DRAM2: variants seen among roughly 807,000 people sequenced by gnomAD.
DRAM2 encodes DNA damage-regulated autophagy modulator protein 2.
Under a neutral mutation model 33.5 loss-of-function variants are expected in DRAM2, and 26 were observed. That is an observed-to-expected ratio of 0.78 (90% CI 0.57 to 1.08). The LOEUF (loss-of-function observed/expected upper bound fraction) is 1.08. DRAM2 is among the 50% of genes least tolerant of loss of function. The pLI is 0.00. For synonymous variants in DRAM2, 98 were observed against 109.5 expected, an observed-to-expected ratio of 0.89 and a Z score of 0.66; for missense variants, 311 against 318.1, an observed-to-expected ratio of 0.98 and a Z score of 0.17.
At chr1:111,129,585 C>A (rs905107317) in intron 4 of DRAM2, among the ~76,000 whole-genome samples, 2 of 152,104 alleles carry the variant, frequency 1.3e-5, no homozygotes, top group African/African-American at 4.8e-5. Context: ...TGCAACAATT[C>A]TAAAGATACA....
intron 3 of DRAM2, among the ~76,000 whole-genome samples, chr1:111,133,702 C>A (rs539066290): frequency 6.6e-6 from 1 of 152,196 alleles, no homozygotes; most frequent in African/African-American, 2.4e-5. Flanking sequence ...GGTGGAGATA[C>A]GATTCAAACT....
chr1:111,118,031 A>G lies in DRAM2; in HGVS notation c.*129T>C, dbSNP rs1649254856. The G allele has an allele frequency of 1.3e-6, 1 of 762,582 alleles. No individual in the cohort carries two copies. The highest frequency in any genetic ancestry group is 2.2e-6 in the Non-Finnish European group (1 of 448,484). 47.2% of individuals were successfully genotyped at this position (762,582 alleles called of 1,614,324 possible). A position where few individuals can be genotyped will look rare whatever the true frequency, so the allele number is the denominator to read the frequency against. ...GCTTCTTTCATGTTTCCTGATTATC[A>G]GCATTCATCAGTGTTACTGTCAGCC... On this transcript the variant is annotated 3_prime_UTR_variant, in exon 10 of 10. Transcript: ENST00000484310.
intron 9 of DRAM2, chr1:111,118,529 A>G (rs576705324): frequency 4.0e-6 from 2 of 495,938 alleles, no homozygotes; most frequent in Admixed American, 7.6e-5. Context: ...GACCTATGTA[A>G]AAGTACACAG....
rs761152040 is a variant in DRAM2 at position 111,126,263 on chromosome 1, A to C, written c.163T>G (p.Leu55Val). 1.7e-5 allele frequency: 28 copies of C among 1,611,262 alleles called. No homozygotes were observed. Among genetic ancestry groups the C allele is most frequent in the Non-Finnish European group, 2.3e-5 (27 of 1,178,574 alleles). Reference sequence around the variant, plus strand: ...GCAATATTTAGCATTGCCCCAAATAAGCATTTTTCTGGAGCTACTGTACCA... The same window carrying C: ...GCAATATTTAGCATTGCCCCAAATACGCATTTTTCTGGAGCTACTGTACCA... ...DTGTVAPEKC[L>V]FGAMLNIAAV... The change falls in exon 5 of 10, where the codon TTA (leucine) becomes GTA (valine). Residue 55 changes from leucine (L) to valine (V), a missense_variant. By Grantham distance (32) the Leu-to-Val change is conservative (BLOSUM62 1). Transcript: ENST00000484310.
chr1:111,137,801 T>C (rs1406413283), intron 2 of DRAM2, among the ~76,000 whole-genome samples: 1 of 152,236 alleles, frequency 6.6e-6, no homozygotes, highest in Non-Finnish European at 1.5e-5. Flanking sequence ...TTCCAGGATA[T>C]AAATTTTCAT....
intron 5 of DRAM2, chr1:111,125,614 T>A (rs1336999240): frequency 1.3e-5 from 2 of 152,302 alleles, no homozygotes; most frequent in African/African-American, 4.8e-5. Context: ...AATGAACTTC[T>A]TTAAGTTGAA....
Position 111,124,884 on chromosome 1 carries a change from G to A in DRAM2, c.200-3C>T. The stretch of plus-strand genomic sequence containing the variant: ...ACGAACATAAATGGTAGCAATGCCT[G>A]GGAAAAGATAATCCAAAAAACAACA... On this transcript the variant is annotated splice_region_variant and splice_polypyrimidine_tract_variant and intron_variant, in intron 5 of 9. Transcript: ENST00000484310. 6 of 1,608,692 alleles carry A rather than the reference G, an allele frequency of 3.7e-6. No individual in the cohort carries two copies. Among genetic ancestry groups the A allele is most frequent in the Non-Finnish European group, 5.1e-6 (6 of 1,178,190 alleles).
At chr1:111,136,810 T>A (rs1317762213) in intron 3 of DRAM2, among the ~76,000 whole-genome samples, 1 of 152,118 alleles carries the variant, frequency 6.6e-6, no homozygotes, top group Non-Finnish European at 1.5e-5. Context: ...CCGTTTCTAC[T>A]AGAAATACAA....
At chr1:111,119,550 A>C (rs1351710048) in intron 8 of DRAM2, 1 of 216,508 alleles carries the variant, frequency 4.6e-6, no homozygotes, top group Non-Finnish European at 9.2e-6. Flanking sequence ...ATGTCTTTTC[A>C]ATTCAGAAAA....
chr1:111,118,216 T>G lies in DRAM2; in HGVS notation c.745A>C (p.Thr249Pro). The part of the protein sequence containing the change: ...ANLHGLTLYD[T>P]APCPINNERT... ...TCATTGTTAATAGGGCAAGGTGCAG[T>G]GTCATAGAGGGTTAATCCATGTAAA... is the stretch of plus-strand genomic sequence containing the variant. The change falls in exon 10 of 10, where the codon ACT (threonine) becomes CCT (proline). Residue 249 changes from threonine to proline, a missense_variant. Coordinates refer to ENST00000484310, the MANE Select transcript of DRAM2 (RefSeq NM_001349884.2). The G allele has an allele frequency of 1.9e-6, 3 of 1,613,170 alleles. No individual in the cohort carries two copies. Among genetic ancestry groups the G allele is most frequent in the South Asian group, 2.2e-5 (2 of 91,036 alleles).
At chr1:111,119,603 T>C (rs1649569596) in intron 8 of DRAM2, 2 of 395,556 alleles carry the variant, frequency 5.1e-6, no homozygotes, top group East Asian at 4.6e-5. Flanking sequence ...CTATATTATA[T>C]ACTATACCCA....
rs1467484118 is a variant in DRAM2 at position 111,134,485 on chromosome 1, TTTCTC to T, written c.-14-2922_-14-2918del. ...ACATTTGCATTTCATAATCTTCTCT[TTTCTC>T]TTCCTTTTTCCTTGTCAGTCCTTAA... On this transcript the variant is annotated intron_variant, in intron 3 of 9. Coordinates refer to ENST00000484310, the MANE Select transcript of DRAM2 (RefSeq NM_001349884.2). Among the ~76,000 whole-genome samples, 6 of 152,420 alleles carry T rather than the reference TTTCTC, an allele frequency of 3.9e-5. No homozygotes were observed. The East Asian group carries it at 1.2e-3, about 29-fold the overall frequency.
chr1:111,119,469 A>G (rs970978375), intron 8 of DRAM2: 4 of 162,478 alleles, frequency 2.5e-5, no homozygotes, highest in African/African-American at 9.6e-5. Context: ...ATCTACATTC[A>G]GATATCCACT....
intron 2 of DRAM2, among the ~76,000 whole-genome samples, chr1:111,138,513 C>T (rs1256627490): frequency 6.6e-6 from 1 of 152,200 alleles, no homozygotes; most frequent in African/African-American, 2.4e-5. Context: ...AGGCCGGGGG[C>T]GGTGGCTCTC....
At chr1:111,123,088 C>T (rs1650337174) in intron 6 of DRAM2, among the ~76,000 whole-genome samples, 1 of 152,120 alleles carries the variant, frequency 6.6e-6, no homozygotes, top group Non-Finnish European at 1.5e-5. Context: ...GACAGACAAT[C>T]ACCATCCTCA....
intron 5 of DRAM2, among the ~76,000 whole-genome samples, 163 bp from the exon 6 acceptor site, chr1:111,125,044 T>C (rs1316545968): frequency 6.6e-6 from 1 of 152,042 alleles, no homozygotes; most frequent in Admixed American, 6.6e-5. Flanking sequence ...TAGCTGTAGT[T>C]TTGTTTTTGC....
At chr1:111,124,908 C>T (rs750873661) in intron 5 of DRAM2, 27 bp from the exon 6 acceptor site, 2 of 1,602,306 alleles carry the variant, frequency 1.2e-6, no homozygotes, top group African/African-American at 1.3e-5. Flanking sequence ...CAAAAAACAA[C>T]AAAGTAATAA....
At chr1:111,122,661 C>G (rs1650271162) in intron 6 of DRAM2, 1 of 149,512 alleles carries the variant, frequency 6.7e-6, no homozygotes, top group Non-Finnish European at 1.5e-5. Flanking sequence ...GGAAGGAGAT[C>G]CTCATTAGTA....
intron 9 of DRAM2, 52 bp downstream of exon 9, chr1:111,118,753 G>C: frequency 2.1e-6 from 3 of 1,397,820 alleles, no homozygotes; most frequent in Non-Finnish European, 3.0e-6. Flanking sequence ...CTACCTTCCT[G>C]GACTAAGAGA....
Sources: gnomAD v4.1 joint callset for allele counts (sites outside exome capture counted in the v4.1 genomes callset) on GRCh38, gnomAD v4.1.1 for gene constraint, MANE v1.5 for transcripts, NCBI Gene and HGNC (gene_info 2026-07-23, HGNC 2026-07-21) for gene names.